PCDHGB1: variants seen among roughly 807,000 people sequenced by gnomAD.
The protein encoded by PCDHGB1 is protocadherin gamma-B1.
In PCDHGB1, 34 loss-of-function variants were observed where a neutral mutation model predicts 56.6. The observed-to-expected ratio is 0.60, with a 90% CI of 0.46 to 0.80. The LOEUF (loss-of-function observed/expected upper bound fraction) is 0.80. Ranked by LOEUF, PCDHGB1 falls within the 30% of genes least tolerant of loss-of-function variation. The pLI is 0.00. For synonymous variants in PCDHGB1, 561 were observed against 505.9 expected (o/e 1.11, Z -1.46); for missense variants, 1,278 against 1,204.6 (o/e 1.06, Z -0.90).
chr5:141,371,949 G>A lies in PCDHGB1; in HGVS notation c.2409+19280G>A, dbSNP rs376332279. ...GAGCGGGGTGGTGTTCGCGCAGCGA[G>A]CCTTCGACCACGAGCAGCTGCGTGC... is the stretch of plus-strand genomic sequence containing the variant. On this transcript the variant is annotated intron_variant, in intron 1 of 3. Coordinates refer to ENST00000523390, the MANE Select transcript of PCDHGB1 (RefSeq NM_018922.3). 4.6e-5 allele frequency: 74 copies of A among 1,613,184 alleles called. No homozygotes were observed. The African/African-American group carries it at 9.1e-4, about 20-fold the overall frequency.
intron 1 of PCDHGB1, chr5:141,357,456 C>T: frequency 6.2e-7 from 1 of 1,614,204 alleles, no homozygotes; most frequent in East Asian, 2.2e-5. Flanking sequence ...TCCTGCAGAC[C>T]TATTCCCACG....
intron 1 of PCDHGB1, chr5:141,415,732 T>G (rs1159160519): frequency 5.0e-6 from 7 of 1,411,138 alleles, no homozygotes; most frequent in Non-Finnish European, 6.5e-6. Context: ...AATTTGATGT[T>G]TATTAAGGTT....
intron 1 of PCDHGB1, chr5:141,360,507 G>A (rs1054504222): frequency 6.2e-7 from 1 of 1,613,916 alleles, no homozygotes; most frequent in African/African-American, 1.3e-5. Flanking sequence ...TAATTGTGCA[G>A]GATATAAATG....
At chr5:141,395,197 T>A in intron 1 of PCDHGB1, 1 of 1,614,012 alleles carries the variant, frequency 6.2e-7, no homozygotes, top group Non-Finnish European at 8.5e-7. Context: ...TTAACATCCG[T>A]AGATTTTCAT....
chr5:141,501,390 T>TCAC (rs1033806087), intron 2 of PCDHGB1, among the ~76,000 whole-genome samples: 4 of 151,794 alleles, frequency 2.6e-5, no homozygotes, highest in African/African-American at 9.7e-5. Flanking sequence ...CTAGGTCCTG[T>TCAC]CACAGGCCAC....
In PCDHGB1 at chr5:141,362,669, C is replaced by T. The variant is rs1028170696; in HGVS notation, c.2409+10000C>T. 8.6e-6 allele frequency: 11 copies of T among 1,279,762 alleles called. No individual in the cohort carries two copies. The African/African-American group carries it at 1.4e-4, about 16-fold the overall frequency. The allele number at this position is 1,279,762 out of a possible 1,614,324, so 79.3% of individuals were successfully genotyped here. ...TGAGTTAGATTTGGCCAATGTTGTG[C>T]CTTAATTGTCTTAATCTTATCTAAC... is the stretch of plus-strand genomic sequence containing the variant. On this transcript the variant is annotated intron_variant, in intron 1 of 3. Transcript: ENST00000523390.
intron 1 of PCDHGB1, chr5:141,376,311 T>A: frequency 1.2e-6 from 2 of 1,613,882 alleles, no homozygotes; most frequent in Non-Finnish European, 1.7e-6. Context: ...TTTGTGGGCG[T>A]GGAAGGGGTT....
intron 1 of PCDHGB1, chr5:141,427,900 C>T (rs1351712272): frequency 2.5e-6 from 4 of 1,571,732 alleles, no homozygotes; most frequent in Non-Finnish European, 3.5e-6. Flanking sequence ...GGCTCGCCCG[C>T]GCTCAGCGCC....
chr5:141,356,471 C>T, intron 1 of PCDHGB1: 2 of 1,613,754 alleles, frequency 1.2e-6, no homozygotes, highest in Non-Finnish European at 8.5e-7. Flanking sequence ...ACTGTAACTG[C>T]CACTGACCAG....
At chr5:141,457,554 G>A (rs2098924282) in intron 1 of PCDHGB1, among the ~76,000 whole-genome samples, 1 of 152,166 alleles carries the variant, frequency 6.6e-6, no homozygotes, top group Admixed American at 6.5e-5. Flanking sequence ...TGTATGATAA[G>A]CTTTGGAGCA....
intron 1 of PCDHGB1, chr5:141,418,140 A>C (rs1487263767): frequency 6.2e-7 from 1 of 1,613,986 alleles, no homozygotes; most frequent in African/African-American, 1.3e-5. Context: ...GACCGTGAGC[A>C]AATATGCAAA....
chr5:141,460,833 T>G (rs541553903), intron 1 of PCDHGB1, among the ~76,000 whole-genome samples: 2 of 151,928 alleles, frequency 1.3e-5, no homozygotes, highest in African/African-American at 4.8e-5. Flanking sequence ...ACACTTAAAG[T>G]AATGGCCTCC....
intron 1 of PCDHGB1, chr5:141,383,173 C>A (rs1481900327): frequency 1.2e-6 from 2 of 1,614,064 alleles, no homozygotes; most frequent in South Asian, 1.1e-5. Context: ...CAGGATAGAC[C>A]GGGAAGAGAT....
chr5:141,510,251 C>G (rs569804850), intron 3 of PCDHGB1, among the ~76,000 whole-genome samples: 1 of 144,724 alleles, frequency 6.9e-6, no homozygotes, highest in African/African-American at 2.6e-5. Flanking sequence ...CCAGGCTGGG[C>G]GACAGAGCAG....
chr5:141,428,632 G>A (rs574049916), intron 1 of PCDHGB1: 35 of 182,522 alleles, frequency 1.9e-4, no homozygotes, highest in African/African-American at 7.6e-4. Context: ...CTCTAACTCT[G>A]TTGCTCCTAC....
intron 1 of PCDHGB1, chr5:141,421,633 G>C (rs1369645749): frequency 1.9e-6 from 3 of 1,613,716 alleles, no homozygotes; most frequent in Non-Finnish European, 2.5e-6. Context: ...CAGCTTCCAG[G>C]AGGACGAAGT....
intron 1 of PCDHGB1, chr5:141,395,410 A>G: frequency 1.2e-6 from 1 of 801,764 alleles, no homozygotes; most frequent in Non-Finnish European, 1.9e-6. Context: ...GTCATAGGTT[A>G]TTGTTTCATT....
rs1264130543 is a variant in PCDHGB1 at position 141,485,467 on chromosome 5, C to T, written c.2410-9340C>T. 2 of 1,614,112 alleles carry T rather than the reference C, an allele frequency of 1.2e-6. No homozygotes were observed. The highest frequency in any genetic ancestry group is 1.7e-6 in the Non-Finnish European group (2 of 1,180,024). On this transcript the variant is annotated intron_variant, in intron 1 of 3. Transcript: ENST00000523390. The surrounding 1 kb of genome is among the most constrained non-coding windows in gnomAD (Gnocchi z 5.7). ...TCGACCGAGAGGCACTGTGTGGGCT[C>T]AGTGCCAGCTGCATCGTGCCCCTGG... is the stretch of plus-strand genomic sequence containing the variant.
chr5:141,478,497 CGGTGTTCTATAGGCA>C, intron 1 of PCDHGB1: 1 of 1,612,820 alleles, frequency 6.2e-7, no homozygotes, highest in South Asian at 1.1e-5. Flanking sequence ...AGCTGTGATC[CGGTGTTCTATAGGCA>C]GGTGTTGGGT....
Sources: gnomAD v4.1 joint callset for allele counts (sites outside exome capture counted in the v4.1 genomes callset) on GRCh38, gnomAD v4.1.1 for gene constraint, Gnocchi (gnomAD v3.1) non-coding constraint, MANE v1.5 for transcripts, NCBI Gene and HGNC (gene_info 2026-07-23, HGNC 2026-07-21) for gene names.